HDAC9: variants seen among roughly 807,000 people sequenced by gnomAD.
The protein encoded by HDAC9 is MEF-2 interacting transcription repressor (MITR) protein.
A neutral mutation model predicts 139.4 loss-of-function variants in HDAC9; 41 were observed. That is an observed-to-expected ratio of 0.29 (90% CI 0.23 to 0.38). HDAC9 has a LOEUF of 0.38. Among genes scored for constraint, HDAC9 ranks in the 10% least tolerant of loss-of-function variants. HDAC9 has a pLI of 1.00. For synonymous variants in HDAC9, 517 were observed against 476.2 expected (o/e 1.09, Z -1.12); for missense variants, 1,147 against 1,297.0 (o/e 0.88, Z 1.78).
intron 21 of HDAC9, among the ~76,000 whole-genome samples, chr7:18,870,579 C>T (rs1462291759): frequency 1.3e-5 from 2 of 151,980 alleles, no homozygotes; most frequent in Admixed American, 6.6e-5. Context: ...TGTTATTTTC[C>T]TTTTTAGTAC....
intron 2 of HDAC9, among the ~76,000 whole-genome samples, chr7:18,182,980 C>G (rs912276161): frequency 4.0e-5 from 6 of 151,848 alleles, no homozygotes; most frequent in Non-Finnish European, 7.4e-5. Context: ...TATCTTATAC[C>G]TGTTTATGGC....
chr7:18,233,223 A>G (rs2128184908), intron 2 of HDAC9, among the ~76,000 whole-genome samples: 1 of 152,240 alleles, frequency 6.6e-6, no homozygotes. Flanking sequence ...TAATAATTTG[A>G]GATGAAATTC....
chr7:18,959,868 G>A (rs919546611), intron 24 of HDAC9, among the ~76,000 whole-genome samples: 1 of 152,108 alleles, frequency 6.6e-6, no homozygotes, highest in African/African-American at 2.4e-5. Flanking sequence ...CAAAATGGTG[G>A]CACAGGCAAG....
At chr7:18,500,146 G>T (rs978846050) in intron 2 of HDAC9, among the ~76,000 whole-genome samples, 1 of 152,058 alleles carries the variant, frequency 6.6e-6, no homozygotes, top group African/African-American at 2.4e-5. Context: ...TATTTCTAAG[G>T]ATGACACAGG....
rs183744286 is a variant in HDAC9 at position 18,450,678 on chromosome 7, G to T, written c.-41-45584G>T. On this transcript the variant is annotated intron_variant, in intron 1 of 3. Transcript: ENST00000413509. ...TTCTCTTTTGTTACAGAACTCAGAG[G>T]TCTGACTTGGAATTGTGCTTTCATT... 3.9e-5 allele frequency among the ~76,000 whole-genome samples: 6 copies of T among 152,242 alleles called. No individual in the cohort carries two copies. The East Asian group carries it at 1.2e-3, about 29-fold the overall frequency.
intron 13 of HDAC9, among the ~76,000 whole-genome samples, chr7:18,733,863 A>T (rs2129136562): frequency 6.6e-6 from 1 of 152,224 alleles, no homozygotes; most frequent in African/African-American, 2.4e-5. Context: ...TAGAAGTCTG[A>T]GGCCAACCTG....
At chr7:18,926,868 G>C (rs1290270079) in intron 22 of HDAC9, among the ~76,000 whole-genome samples, 1 of 152,088 alleles carries the variant, frequency 6.6e-6, no homozygotes, top group Non-Finnish European at 1.5e-5. Flanking sequence ...AAGAGTAAAA[G>C]GATTTTTACT....
At chr7:18,736,468 C>G (rs1304818028) in intron 13 of HDAC9, among the ~76,000 whole-genome samples, 1 of 152,062 alleles carries the variant, frequency 6.6e-6, no homozygotes, top group Non-Finnish European at 1.5e-5. Flanking sequence ...TTGTCTAAGG[C>G]CTTTTCTGCA....
intron 17 of HDAC9, among the ~76,000 whole-genome samples, chr7:18,817,607 T>C (rs928413161): frequency 6.6e-6 from 1 of 152,238 alleles, no homozygotes; most frequent in African/African-American, 2.4e-5. Context: ...GCTGTAAATA[T>C]TTTAAAATAT....
At position 18,311,093 on chromosome 7, in the gene HDAC9, G is replaced by GTGA. The variant is rs1554367397; in HGVS notation, c.-42+20600_-42+20602dup. Among the ~76,000 whole-genome samples, 1,197 of 151,144 alleles carry GTGA rather than the reference G, an allele frequency of 7.9e-3. 6 individuals carry two copies. The highest frequency in any genetic ancestry group is 0.015 in the African/African-American group (607 of 41,264). On this transcript the variant is annotated intron_variant, in intron 1 of 3. Coordinates refer to the HDAC9 transcript ENST00000413509. ...GTTTACCTCTCAGTTCTGGAGAGAGGTGATGATGATGATGATGATGATGAC... is the reference window on the plus strand; with the variant it reads ...GTTTACCTCTCAGTTCTGGAGAGAGGTGATGATGATGATGATGATGATGATGAC...
At chr7:18,895,256 C>T (rs193105926) in intron 22 of HDAC9, among the ~76,000 whole-genome samples, 4 of 152,170 alleles carry the variant, frequency 2.6e-5, no homozygotes, top group Non-Finnish European at 4.4e-5. Context: ...TGGATGTAAC[C>T]AGGATTGAGT....
intron 2 of HDAC9, among the ~76,000 whole-genome samples, chr7:18,502,980 G>A (rs188555237): frequency 4.6e-5 from 7 of 152,088 alleles, no homozygotes; most frequent in Admixed American, 6.5e-5. Context: ...GAATGTGTTC[G>A]CCAGTAGGTT....
chr7:18,237,960 T>G (rs1562780194), intron 2 of HDAC9, among the ~76,000 whole-genome samples: 1 of 152,222 alleles, frequency 6.6e-6, no homozygotes, highest in Non-Finnish European at 1.5e-5. Context: ...ATAAATCTTT[T>G]GTTTGGTCCT....
chr7:18,464,717 A>G (rs746233158), intron 1 of HDAC9, among the ~76,000 whole-genome samples: 1 of 151,952 alleles, frequency 6.6e-6, no homozygotes, highest in Non-Finnish European at 1.5e-5. Flanking sequence ...GTGGTCTTTT[A>G]TGTTATCTAG....
chr7:18,867,032 T>C (rs2129239278), intron 21 of HDAC9, among the ~76,000 whole-genome samples: 1 of 152,366 alleles, frequency 6.6e-6, no homozygotes, highest in East Asian at 1.9e-4. Flanking sequence ...TTACTGTGTT[T>C]AGCATCTAGT....
chr7:18,798,794 G>C (rs960820122), intron 17 of HDAC9, among the ~76,000 whole-genome samples: 2 of 152,080 alleles, frequency 1.3e-5, no homozygotes, highest in African/African-American at 4.8e-5. Context: ...TTAGCCAAAA[G>C]CATCAAAGAA....
intron 1 of HDAC9, among the ~76,000 whole-genome samples, chr7:18,489,736 C>T (rs759353996): frequency 4.6e-5 from 7 of 151,962 alleles, no homozygotes; most frequent in Non-Finnish European, 7.4e-5. Context: ...AATAAACTTC[C>T]CTTGATTCTA....
chr7:18,683,930 A>G (rs1053297920), intron 12 of HDAC9, among the ~76,000 whole-genome samples: 1 of 152,046 alleles, frequency 6.6e-6, no homozygotes, highest in African/African-American at 2.4e-5. Flanking sequence ...ACCAGAAAAC[A>G]ATATTTGATC....
intron 13 of HDAC9, among the ~76,000 whole-genome samples, chr7:18,728,818 C>T (rs1285202149): frequency 6.6e-6 from 1 of 152,076 alleles, no homozygotes; most frequent in Non-Finnish European, 1.5e-5. Context: ...ATGAAATAGC[C>T]AAGTTAATTA....
Sources: gnomAD v4.1 joint callset for allele counts (sites outside exome capture counted in the v4.1 genomes callset) on GRCh38, gnomAD v4.1.1 for gene constraint, MANE v1.5 for transcripts, NCBI Gene and HGNC (gene_info 2026-07-23, HGNC 2026-07-21) for gene names.